The following LHFPL2 variants were observed in gnomAD, a reference collection of about 807,000 sequenced individuals.
LHFPL2 encodes the protein LHFPL tetraspan subfamily member 2 protein.
LHFPL2 carries 7 observed loss-of-function variants against 17.5 expected under a neutral mutation model. The ratio of observed to expected loss-of-function variants is 0.40; its 90% confidence interval spans 0.23 to 0.75. The LOEUF (loss-of-function observed/expected upper bound fraction) is 0.75. LHFPL2 is among the 30% of genes least tolerant of loss of function. LHFPL2 has a pLI of 0.37. For missense variants in LHFPL2, 241 were observed against 294.8 expected, an observed-to-expected ratio of 0.82 and a Z score of 1.34; for synonymous variants, 134 against 116.2, an observed-to-expected ratio of 1.15 and a Z score of -0.99.
intron 3 of LHFPL2, among the ~76,000 whole-genome samples, chr5:78,524,967 T>C (rs1029706681): frequency 2.6e-5 from 4 of 152,320 alleles, no homozygotes; most frequent in Admixed American, 2.6e-4. Flanking sequence ...TAAAGGTAAA[T>C]GTTTCTAGAT....
At chr5:78,607,731 A>C in intron 2 of LHFPL2, among the ~76,000 whole-genome samples, 1 of 152,218 alleles carries the variant, frequency 6.6e-6, no homozygotes. Flanking sequence ...AGACACTGAA[A>C]AATCTTTCAA....
chr5:78,595,614 C>G (rs1743796242), intron 2 of LHFPL2, among the ~76,000 whole-genome samples: 2 of 152,172 alleles, frequency 1.3e-5, no homozygotes, highest in Non-Finnish European at 2.9e-5. Context: ...TGGGGTCAAG[C>G]AATTCTCCCG....
intron 3 of LHFPL2, among the ~76,000 whole-genome samples, chr5:78,519,392 A>G (rs6873680): frequency 0.033 from 4,988 of 152,266 alleles, 236 homozygotes; most frequent in African/African-American, 0.11. Context: ...GGGTTCCAGT[A>G]TAACATGGCA....
chr5:78,558,583 C>T lies in LHFPL2; in HGVS notation c.-186+6230G>A, dbSNP rs150775356. Reference sequence around the variant, plus strand: ...TCTCAAACTCCTGGGCTCAAGCAATCCTCCCACCTCAGCCTCCTGAATACT... The same window carrying T: ...TCTCAAACTCCTGGGCTCAAGCAATTCTCCCACCTCAGCCTCCTGAATACT... On this transcript the variant is annotated intron_variant, in intron 3 of 4. Coordinates refer to ENST00000380345, the MANE Select transcript of LHFPL2 (RefSeq NM_005779.3). Among the ~76,000 whole-genome samples, 80 of 152,234 alleles carry T rather than the reference C, an allele frequency of 5.3e-4. 2 individuals are homozygous for T. The East Asian group carries it at 0.014, about 28-fold the overall frequency.
intron 3 of LHFPL2, among the ~76,000 whole-genome samples, chr5:78,528,273 C>A (rs1247200172): frequency 2.0e-5 from 3 of 152,186 alleles, no homozygotes; most frequent in Admixed American, 2.0e-4. Context: ...CAGTACCGGT[C>A]TGTGGCCTGT....
intron 2 of LHFPL2, among the ~76,000 whole-genome samples, chr5:78,574,811 A>T (rs778176389): frequency 6.6e-6 from 1 of 152,240 alleles, no homozygotes; most frequent in Non-Finnish European, 1.5e-5. Context: ...GCTTTCGCTT[A>T]CATGAAGTGA....
At chr5:78,635,873 G>C (rs918187582) in intron 1 of LHFPL2, among the ~76,000 whole-genome samples, 1 of 152,248 alleles carries the variant, frequency 6.6e-6, no homozygotes, top group Admixed American at 6.5e-5. Context: ...GTACAATTAT[G>C]GTGTTTAGTC....
rs180910907 is a variant in LHFPL2, at chr5:78,572,810, G to A, written c.-244-7939C>T. On this transcript the variant is annotated intron_variant, in intron 2 of 4. Transcript: ENST00000380345. Reference sequence around the variant, plus strand: ...TTTTGCCACCAGGGACCTGTTTCCTGGAATACAATTTTTCTGTGGGCAATG... The same window carrying A: ...TTTTGCCACCAGGGACCTGTTTCCTAGAATACAATTTTTCTGTGGGCAATG... 1.4e-4 allele frequency among the ~76,000 whole-genome samples: 22 copies of A among 152,204 alleles called. No homozygotes were observed. In the East Asian group the frequency reaches 4.3e-3, roughly 29 times the overall value.
intron 2 of LHFPL2, among the ~76,000 whole-genome samples, chr5:78,607,746 G>A (rs557802323): frequency 2.0e-5 from 3 of 152,236 alleles, no homozygotes; most frequent in South Asian, 2.1e-4. Context: ...TTTCAAATAC[G>A]GCTTCAATTT....
At chr5:78,586,720 TA>T (rs1408403592) in intron 2 of LHFPL2, among the ~76,000 whole-genome samples, 3 of 151,996 alleles carry the variant, frequency 2.0e-5, no homozygotes, top group African/African-American at 7.3e-5. Flanking sequence ...CCGGTTTTTA[TA>T]GGGGGGAAAA....
chr5:78,494,292 A>G (rs1359870755), intron 4 of LHFPL2: 2 of 868,534 alleles, frequency 2.3e-6, no homozygotes, highest in African/African-American at 3.6e-5. Context: ...GGAGAATGAC[A>G]CTGGCCAGCC....
intron 2 of LHFPL2, among the ~76,000 whole-genome samples, chr5:78,592,977 G>A (rs542888795): frequency 8.7e-4 from 132 of 152,314 alleles, no homozygotes; most frequent in African/African-American, 3.1e-3. Context: ...ACTATGAACT[G>A]TATGCTTGAA....
chr5:78,530,696 T>C (rs906136240), intron 3 of LHFPL2, among the ~76,000 whole-genome samples: 1 of 152,214 alleles, frequency 6.6e-6, no homozygotes, highest in Non-Finnish European at 1.5e-5. Flanking sequence ...CATAAGACTC[T>C]GACCACACAG....
At chr5:78,489,292 G>GCAAAC in intron 4 of LHFPL2, 139 bp from the exon 5 acceptor site, 1 of 876,090 alleles carries the variant, frequency 1.1e-6, no homozygotes, top group Non-Finnish European at 1.7e-6. Context: ...ACTGTTTCAT[G>GCAAAC]CAAACTAATC....
At chr5:78,599,261 C>G (rs760668160) in intron 2 of LHFPL2, among the ~76,000 whole-genome samples, 18 of 151,984 alleles carry the variant, frequency 1.2e-4, no homozygotes, top group Non-Finnish European at 4.4e-5. Context: ...TAAAAACTTC[C>G]CAAGATTGAA....
chr5:78,576,062 G>T (rs561236840), intron 2 of LHFPL2, among the ~76,000 whole-genome samples: 2 of 152,266 alleles, frequency 1.3e-5, no homozygotes, highest in South Asian at 4.1e-4. Context: ...TTGGGAGGCC[G>T]AGGCGGGTGG....
chr5:78,574,724 T>C (rs1757085776), intron 2 of LHFPL2, among the ~76,000 whole-genome samples: 1 of 152,254 alleles, frequency 6.6e-6, no homozygotes, highest in South Asian at 2.1e-4. Flanking sequence ...TGCTAACAGG[T>C]TGCAGATGGC....
rs884602 is a variant in LHFPL2 at position 78,485,567 on chromosome 5, G to A, written c.*3330C>T. On this transcript the variant is annotated 3_prime_UTR_variant, in exon 5 of 5. Coordinates refer to ENST00000380345, the MANE Select transcript of LHFPL2 (RefSeq NM_005779.3). ...TCATTGCAACCCCAATACAAATGCCGGCCCAGGGATTTCCAGTGGCCACAA... is the reference window on the plus strand; with the variant it reads ...TCATTGCAACCCCAATACAAATGCCAGCCCAGGGATTTCCAGTGGCCACAA... 7,148 of 152,630 alleles carry A rather than the reference G, an allele frequency of 0.047. 342 individuals are homozygous for A. Among genetic ancestry groups the A allele is most frequent in the East Asian group, 0.26 (1,356 of 5,170 alleles). The allele number at this position is 152,630 out of a possible 1,614,324, so 9.5% of individuals were successfully genotyped here. A position where few individuals can be genotyped will look rare whatever the true frequency, so the allele number is the denominator to read the frequency against.
At chr5:78,506,738 T>G (rs1754942619) in intron 4 of LHFPL2, among the ~76,000 whole-genome samples, 1 of 152,096 alleles carries the variant, frequency 6.6e-6, no homozygotes, top group African/African-American at 2.4e-5. Flanking sequence ...CTCTGAGGGG[T>G]GATGCTAGGC....
Sources: allele counts gnomAD v4.1 joint callset (sites outside exome capture counted in the v4.1 genomes callset), GRCh38; gene constraint gnomAD v4.1.1; transcripts MANE v1.5; gene names NCBI Gene and HGNC (gene_info 2026-07-23, HGNC 2026-07-21).